Variants in SNTG1 observed in about 807,000 individuals in gnomAD.
SNTG1 encodes syntrophin gamma 1.
In SNTG1, 39 loss-of-function variants were observed where a neutral mutation model predicts 74.7. The ratio of observed to expected loss-of-function variants is 0.52; its 90% CI spans 0.40 to 0.68. SNTG1 has a LOEUF of 0.68. Ranked by LOEUF, SNTG1 falls within the 30% of genes least tolerant of loss-of-function variation. The pLI, the probability that SNTG1 is intolerant of heterozygous loss-of-function variation, is 0.00. For synonymous variants in SNTG1, 254 were observed against 217.1 expected, an observed-to-expected ratio of 1.17 and a Z score of -1.49; for missense variants, 685 against 609.5, an observed-to-expected ratio of 1.12 and a Z score of -1.30.
intron 1 of SNTG1, among the ~76,000 whole-genome samples, chr8:49,969,180 CGTG>C (rs1212754462): frequency 2.0e-5 from 3 of 151,984 alleles, no homozygotes; most frequent in Admixed American, 6.6e-5. Flanking sequence ...TTTTTAATAA[CGTG>C]GTGAATAATT....
chr8:50,630,220 G>A lies in SNTG1; in HGVS notation c.850-26689G>A, dbSNP rs556259344. Among the ~76,000 whole-genome samples, 6 of 152,064 alleles carry A rather than the reference G, an allele frequency of 3.9e-5. No homozygotes were observed. The South Asian group carries it at 1.2e-3, about 32-fold the overall frequency. ...TCTATATCTGTATTTTTCTATTATTGAGTGATAAAGAAAGAATATCATGCA... is the reference window on the plus strand; with the variant it reads ...TCTATATCTGTATTTTTCTATTATTAAGTGATAAAGAAAGAATATCATGCA... On this transcript the variant is annotated intron_variant, in intron 13 of 18. Coordinates refer to ENST00000642720, the MANE Select transcript of SNTG1 (RefSeq NM_018967.5).
chr8:50,645,356 A>G lies in SNTG1; in HGVS notation c.850-11553A>G, dbSNP rs188835140. Among the ~76,000 whole-genome samples the G allele has an allele frequency of 1.6e-3, 243 of 151,864 alleles. 2 individuals carry two copies. The highest frequency in any genetic ancestry group is 0.01 in the Middle Eastern group (3 of 294). ...TATTATTTTGTAATTTTTTTTATATAATTTCCTAACTAGCCACCTAATGTT... is the reference window on the plus strand; with the variant it reads ...TATTATTTTGTAATTTTTTTTATATGATTTCCTAACTAGCCACCTAATGTT... On this transcript the variant is annotated intron_variant, in intron 13 of 18. Coordinates refer to ENST00000642720, the MANE Select transcript of SNTG1 (RefSeq NM_018967.5).
At chr8:50,345,001 A>C (rs2091430646) in intron 2 of SNTG1, among the ~76,000 whole-genome samples, 1 of 152,192 alleles carries the variant, frequency 6.6e-6, no homozygotes, top group African/African-American at 2.4e-5. Flanking sequence ...ATGTGAGGAC[A>C]CAGGGAGAAG....
At chr8:50,109,779 G>A (rs767915125) in intron 1 of SNTG1, among the ~76,000 whole-genome samples, 1 of 152,176 alleles carries the variant, frequency 6.6e-6, no homozygotes, top group Non-Finnish European at 1.5e-5. Context: ...AGTTTACATA[G>A]AGAGACAGGA....
At chr8:50,021,021 C>G (rs1447510507) in intron 1 of SNTG1, among the ~76,000 whole-genome samples, 3 of 152,104 alleles carry the variant, frequency 2.0e-5, no homozygotes, top group African/African-American at 7.2e-5. Context: ...AGGGGCTACT[C>G]TTAATCTACT....
intron 2 of SNTG1, among the ~76,000 whole-genome samples, chr8:50,390,341 A>C (rs916792602): frequency 6.6e-6 from 1 of 151,990 alleles, no homozygotes; most frequent in African/African-American, 2.4e-5. Context: ...TAAATAGGGA[A>C]TCGTTTCCCC....
intron 18 of SNTG1, among the ~76,000 whole-genome samples, chr8:50,754,993 G>T (rs1431306046): frequency 6.6e-6 from 1 of 151,646 alleles, no homozygotes; most frequent in African/African-American, 2.4e-5. Flanking sequence ...TTGAGTGTAA[G>T]GTACAAAAAT....
chr8:50,770,039 A>C (rs2095623352), intron 18 of SNTG1, among the ~76,000 whole-genome samples: 1 of 152,126 alleles, frequency 6.6e-6, no homozygotes, highest in South Asian at 2.1e-4. Flanking sequence ...AGTCCTTAGA[A>C]ACCCATAAAA....
intron 2 of SNTG1, among the ~76,000 whole-genome samples, chr8:50,348,762 A>T (rs2091558680): frequency 6.6e-6 from 1 of 152,188 alleles, no homozygotes; most frequent in African/African-American, 2.4e-5. Context: ...TCTTACACTG[A>T]TTTTTCCCCT....
At chr8:50,568,060 TG>T (rs2094525931) in intron 12 of SNTG1, among the ~76,000 whole-genome samples, 1 of 152,132 alleles carries the variant, frequency 6.6e-6, no homozygotes, top group Admixed American at 6.6e-5. Context: ...TCTACTTCTG[TG>T]AAAACAACTG....
In SNTG1 at chr8:50,436,701, A is replaced by G. The variant is rs547867512; in HGVS notation, c.163-1842A>G. Among the ~76,000 whole-genome samples, 154 of 152,258 alleles carry G rather than the reference A, an allele frequency of 1.0e-3. 4 individuals carry two copies. In the South Asian group the frequency reaches 0.031, roughly 31 times the overall value. ...TGTTTGCAATATTCAACTTCTCTTTAATGAACCATTTAATGAGAAATAACA... is the reference window on the plus strand; with the variant it reads ...TGTTTGCAATATTCAACTTCTCTTTGATGAACCATTTAATGAGAAATAACA... On this transcript the variant is annotated intron_variant, in intron 4 of 18. Coordinates refer to ENST00000642720, the MANE Select transcript of SNTG1 (RefSeq NM_018967.5).
At chr8:50,536,063 T>C (rs189237369) in intron 10 of SNTG1, among the ~76,000 whole-genome samples, 50 of 152,290 alleles carry the variant, frequency 3.3e-4, no homozygotes, top group African/African-American at 1.2e-3. Context: ...AAACTTAATG[T>C]ATGTGTAATT....
intron 1 of SNTG1, among the ~76,000 whole-genome samples, chr8:49,978,225 TAGAG>T (rs1812362893): frequency 6.8e-6 from 1 of 146,330 alleles, no homozygotes; most frequent in Non-Finnish European, 1.5e-5. Context: ...TGCACTGAAA[TAGAG>T]AGAGCGGGGG....
intron 16 of SNTG1, among the ~76,000 whole-genome samples, chr8:50,707,682 T>A (rs1428348049): frequency 6.8e-6 from 1 of 146,706 alleles, no homozygotes; most frequent in Non-Finnish European, 1.5e-5. Context: ...TCAGATAAAC[T>A]TCTCTTCCTT....
chr8:50,075,418 A>G (rs1821769942), intron 1 of SNTG1, among the ~76,000 whole-genome samples: 1 of 152,214 alleles, frequency 6.6e-6, no homozygotes, highest in Non-Finnish European at 1.5e-5. Flanking sequence ...TGTATGCACC[A>G]ATCAGCACTC....
chr8:50,722,169 T>C (rs1165309151), intron 17 of SNTG1, among the ~76,000 whole-genome samples: 3 of 151,856 alleles, frequency 2.0e-5, no homozygotes, highest in Non-Finnish European at 4.4e-5. Flanking sequence ...TATACGTATA[T>C]GTGTGTGTGT....
At chr8:50,339,592 A>G (rs760753357) in intron 2 of SNTG1, among the ~76,000 whole-genome samples, 1 of 151,986 alleles carries the variant, frequency 6.6e-6, no homozygotes, top group Non-Finnish European at 1.5e-5. Context: ...TTAGTTTTAA[A>G]TGTATATTTC....
intron 13 of SNTG1, among the ~76,000 whole-genome samples, chr8:50,600,539 T>G (rs979344952): frequency 2.0e-5 from 3 of 152,152 alleles, no homozygotes; most frequent in Non-Finnish European, 4.4e-5. Flanking sequence ...GTCTACGAAT[T>G]TACCTATTTC....
chr8:50,609,020 T>G lies in SNTG1; in HGVS notation c.849+18103T>G, dbSNP rs986449593. On this transcript the variant is annotated intron_variant, in intron 13 of 18. Transcript: ENST00000642720. ...TATTTCAAACTATTGTTTTTCATAT[T>G]ACATGCATGTATAAACTCAACAGTC... 1.1e-4 allele frequency among the ~76,000 whole-genome samples: 16 copies of G among 152,166 alleles called. No individual in the cohort carries two copies. The East Asian group carries it at 1.7e-3, about 16-fold the overall frequency.
Sources: allele counts gnomAD v4.1 joint callset (sites outside exome capture counted in the v4.1 genomes callset), GRCh38; gene constraint gnomAD v4.1.1; transcripts MANE v1.5; gene names NCBI Gene and HGNC (gene_info 2026-07-23, HGNC 2026-07-21).